The following LRCH4 variants were observed in gnomAD, a reference collection of about 807,000 sequenced individuals.
LRCH4 encodes the protein leucine rich repeats and calponin homology domain containing 4.
In LRCH4, 56 loss-of-function variants were observed where a neutral mutation model predicts 81.2. The observed-to-expected ratio is 0.69, with a 90% CI of 0.56 to 0.86. LRCH4 has a LOEUF of 0.86. Ranked by LOEUF, LRCH4 falls within the 40% of genes least tolerant of loss-of-function variation. LRCH4 has a pLI of 0.00. For synonymous variants in LRCH4, 442 were observed against 409.7 expected (o/e 1.08, Z -0.95); for missense variants, 895 against 922.8 (o/e 0.97, Z 0.39).
chr7:100,575,068 G>C lies in LRCH4; in HGVS notation c.*39C>G, dbSNP rs765863283. 3.8e-6 allele frequency: 6 copies of C among 1,563,540 alleles called. No individual in the cohort carries two copies. Among genetic ancestry groups the C allele is most frequent in the Middle Eastern group, 1.9e-4 (1 of 5,156 alleles). ...GTGGAGCAGGGACCTTATAAATAGA[G>C]AGGAAGGGAAAGGGGTGAGGGAGGG... On this transcript the variant is annotated 3_prime_UTR_variant, in exon 18 of 18. Transcript: ENST00000310300. The surrounding 1 kb of genome is among the most constrained non-coding windows in gnomAD (Gnocchi z 5.3).
chr7:100,576,414 C>T, intron 14 of LRCH4, 91 bp from the exon 15 acceptor site: 1 of 867,668 alleles, frequency 1.2e-6, no homozygotes, highest in Non-Finnish European at 1.9e-6. Context: ...ACACCTCCTG[C>T]CTCTCTGCTT....
intron 15 of LRCH4, 111 bp downstream of exon 15, chr7:100,576,127 G>T: frequency 1.4e-6 from 2 of 1,467,166 alleles, no homozygotes; most frequent in Non-Finnish European, 9.3e-7. Context: ...GTCCTCAGGG[G>T]AGGTGCCAGA....
Position 100,581,841 on chromosome 7 carries a change from C to T in LRCH4, c.534G>A (p.Leu178=). 6.2e-7 allele frequency: 1 copy of T among 1,614,210 alleles called. No homozygotes were observed. Among genetic ancestry groups the T allele is most frequent in the Non-Finnish European group, 8.5e-7 (1 of 1,180,034 alleles). ...GGTCCCGCAGGGAAGAGAGGCCACA[C>T]AGTTCCGAGGGCAGGGATTGGAGCT... The part of the protein sequence containing the change: ...SNELQSLPSE[L]CGLSSLRDLN... Residue 178 remains leucine, a synonymous_variant, in exon 4 of 18, where the codon CTG becomes CTA. Coordinates refer to ENST00000310300, the MANE Select transcript of LRCH4 (RefSeq NM_002319.5).
rs954213473 is a variant in LRCH4, at chr7:100,582,359, G to A, written c.321C>T (p.Asn107=). 2.5e-6 allele frequency: 4 copies of A among 1,614,168 alleles called. No individual in the cohort carries two copies. Among genetic ancestry groups the A allele is most frequent in the South Asian group, 2.2e-5 (2 of 91,092 alleles). Residue 107 remains asparagine (N), a synonymous_variant, in exon 2 of 18, where the codon AAC becomes AAT. Coordinates refer to ENST00000310300, the MANE Select transcript of LRCH4 (RefSeq NM_002319.5). This position sits in a 1 kb window ranked among gnomAD's most constrained non-coding sequence, Gnocchi z 5.0. The part of the protein sequence containing the change: ...SLYHNCLRCL[N]PALGNLTALT... ...GGGCTGTGAGATTCCCCAAGGCTGG[G>A]TTCAGGCATCTCAGGCAATTGTGGT...
In LRCH4 at chr7:100,575,641, C is replaced by G. The variant is rs1226821666; in HGVS notation, c.1854+64G>C. 6.4e-7 allele frequency: 1 copy of G among 1,574,362 alleles called. No homozygotes were observed. Among genetic ancestry groups the G allele is most frequent in the Non-Finnish European group, 8.7e-7 (1 of 1,143,932 alleles). Reference sequence around the variant, plus strand: ...ACATCCGCTGCAAATGGAAGCCCACCATCCATGCCACATGCTCGGCTGAGT... The same window carrying G: ...ACATCCGCTGCAAATGGAAGCCCACGATCCATGCCACATGCTCGGCTGAGT... On this transcript the variant is annotated intron_variant, in intron 17 of 17. Transcript: ENST00000310300. This position sits in a 1 kb window ranked among gnomAD's most constrained non-coding sequence, Gnocchi z 5.3.
rs552159529 is a variant in LRCH4 at position 100,574,699 on chromosome 7, C to T, written c.*408G>A. On this transcript the variant is annotated 3_prime_UTR_variant, in exon 18 of 18. Coordinates refer to ENST00000310300, the MANE Select transcript of LRCH4 (RefSeq NM_002319.5). ...TTTATACACAGAGATAGGGACCCGGCCTGGGCCCCGAACCCCTACAAATAT... is the reference window on the plus strand; with the variant it reads ...TTTATACACAGAGATAGGGACCCGGTCTGGGCCCCGAACCCCTACAAATAT... The T allele has an allele frequency of 4.6e-4, 86 of 185,120 alleles. No individual in the cohort carries two copies. Among genetic ancestry groups the T allele is most frequent in the Non-Finnish European group, 8.0e-4 (70 of 87,014 alleles). 11.5% of individuals were successfully genotyped at this position (185,120 alleles called of 1,614,324 possible). A position where few individuals can be genotyped will look rare whatever the true frequency, so the allele number is the denominator to read the frequency against.
At chr7:100,581,053 G>C (rs949045495) in intron 4 of LRCH4, among the ~76,000 whole-genome samples, 2 of 152,220 alleles carry the variant, frequency 1.3e-5, no homozygotes, top group Non-Finnish European at 2.9e-5. Flanking sequence ...TGGCATCTCC[G>C]GGAGGAGTGG....
chr7:100,582,636 C>A lies in LRCH4; in HGVS notation c.221-177G>T, dbSNP rs1017040210. 1.3e-5 allele frequency among the ~76,000 whole-genome samples: 2 copies of A among 152,200 alleles called. No homozygotes were observed. Among genetic ancestry groups the A allele is most frequent in the Non-Finnish European group, 2.9e-5 (2 of 68,030 alleles). On this transcript the variant is annotated intron_variant, in intron 1 of 17. Transcript: ENST00000310300. The surrounding 1 kb of genome is among the most constrained non-coding windows in gnomAD (Gnocchi z 5.0). ...TCTGCCAACGGGAGCACATTCCAGG[C>A]GTGACCAGAATGGCACAGGGAAGGC...
Position 100,575,559 on chromosome 7 carries a change from A to G in LRCH4, c.1854+146T>C. On this transcript the variant is annotated intron_variant, in intron 17 of 17. Transcript: ENST00000310300. This position sits in a 1 kb window ranked among gnomAD's most constrained non-coding sequence, Gnocchi z 5.3. ...GTGACATGCAGGGCAGGGGGCATGCAGGGCAGGGGGCATGCTGGGCAGGGC... is the reference window on the plus strand; with the variant it reads ...GTGACATGCAGGGCAGGGGGCATGCGGGGCAGGGGGCATGCTGGGCAGGGC... 9.8e-7 allele frequency: 1 copy of G among 1,015,948 alleles called. No individual in the cohort carries two copies. The highest frequency in any genetic ancestry group is 1.6e-6 in the Non-Finnish European group (1 of 641,910). 62.9% of individuals were successfully genotyped at this position (1,015,948 alleles called of 1,614,324 possible). A position where few individuals can be genotyped will look rare whatever the true frequency, so the allele number is the denominator to read the frequency against.
intron 15 of LRCH4, 50 bp downstream of exon 15, chr7:100,576,188 G>T: frequency 6.3e-7 from 1 of 1,580,398 alleles, no homozygotes. Flanking sequence ...AGCAACACAA[G>T]GAGGTGCCCG....
intron 14 of LRCH4, 179 bp from the exon 15 acceptor site, chr7:100,576,502 G>A (rs1355860146): frequency 3.9e-5 from 26 of 666,892 alleles, no homozygotes; most frequent in Non-Finnish European, 5.7e-5. Context: ...GGGCTCAAGC[G>A]ATCCTCCCAC....
In LRCH4 at chr7:100,586,013, C is replaced by A. The variant is rs1364573134; in HGVS notation, c.88G>T (p.Gly30Trp). The change falls in exon 1 of 18, where the codon GGG becomes TGG. Residue 30 changes from glycine to tryptophan, a missense_variant. By Grantham distance (184) the Gly-to-Trp change is radical. Transcript: ENST00000310300. ...AGGGCCCGCTCTGCACTGCGTCTCC[C>A]CGGCAGACCTGGAGACCCGGGCACG... ...TSVPGSPGLP[G>W]RRSAERALEE... 2 of 1,607,822 alleles carry A rather than the reference C, an allele frequency of 1.2e-6. No homozygotes were observed. Among genetic ancestry groups the A allele is most frequent in the Non-Finnish European group, 1.7e-6 (2 of 1,177,266 alleles).
chr7:100,577,674 CCT>C lies in LRCH4; in HGVS notation c.1104_1105del (p.Gly369HisfsTer63), dbSNP rs1425738564. The C allele has an allele frequency of 7.4e-6, 12 of 1,613,848 alleles. No homozygotes were observed. Among genetic ancestry groups the C allele is most frequent in the Non-Finnish European group, 1.0e-5 (12 of 1,179,992 alleles). ...TAGCTGGGCTCTCACCTCCACAGTG[CCT>C]CGCTCTTCATCCTCCCCGGGGACAT... On this transcript the variant is annotated frameshift_variant, in exon 9 of 18. Transcript: ENST00000310300. LOFTEE classifies it high-confidence loss of function. The surrounding 1 kb of genome is among the most constrained non-coding windows in gnomAD (Gnocchi z 6.7).
At chr7:100,584,108 TG>T (rs1801642589) in intron 1 of LRCH4, 2 of 455,928 alleles carry the variant, frequency 4.4e-6, no homozygotes, top group Admixed American at 4.7e-5. Flanking sequence ...CAGAAAGAGA[TG>T]GGAGACGGGA....
chr7:100,582,070 T>C lies in LRCH4; in HGVS notation c.463A>G (p.Ile155Val). 6.2e-7 allele frequency: 1 copy of C among 1,611,318 alleles called. No homozygotes were observed. Among genetic ancestry groups the C allele is most frequent in the East Asian group, 2.2e-5 (1 of 44,868 alleles). The change falls in exon 3 of 18, where the codon ATC becomes GTC. Residue 155 changes from isoleucine (I) to valine (V), a missense_variant. Ile to Val is a conservative substitution (Grantham distance 29). Transcript: ENST00000310300. This position sits in a 1 kb window ranked among gnomAD's most constrained non-coding sequence, Gnocchi z 5.0. ...TGTCGCAGGCTTCCCAGGGTGCCGA[T>C]GTCAGGGGGCAGGGCTCCCAGCTTG... Reference protein sequence around the residue: ...NNKLGALPPDIGTLGSLRQLD... With the variant: ...NNKLGALPPDVGTLGSLRQLD...
In LRCH4 at chr7:100,582,591, C is replaced by T. The variant is rs1030336295; in HGVS notation, c.221-132G>A. 1.1e-6 allele frequency: 1 copy of T among 903,176 alleles called. No homozygotes were observed. The highest frequency in any genetic ancestry group is 1.7e-6 in the Non-Finnish European group (1 of 598,424). 55.9% of individuals were successfully genotyped at this position (903,176 alleles called of 1,614,324 possible). ...ATTCAAGGCCATCAATGTGGCCTCC[C>T]AGGAGAGATAACAAAGCCTTCTGCC... On this transcript the variant is annotated intron_variant, in intron 1 of 17. Coordinates refer to ENST00000310300, the MANE Select transcript of LRCH4 (RefSeq NM_002319.5). The surrounding 1 kb of genome is among the most constrained non-coding windows in gnomAD (Gnocchi z 5.0).
chr7:100,582,425 C>T lies in LRCH4; in HGVS notation c.255G>A (p.Glu85=). The T allele has an allele frequency of 6.2e-7, 1 of 1,612,334 alleles. No homozygotes were observed. Among genetic ancestry groups the T allele is most frequent in the Admixed American group, 1.7e-5 (1 of 60,026 alleles). ...LSRNRFPEVP[E]AACQLVSLEG... ...CCAGGGACACCAGCTGGCACGCCGC[C>T]TCGGGCACCTCGGGAAACCGGTTCC... The change falls in exon 2 of 18, where the codon GAG becomes GAA. Residue 85 remains glutamate, a synonymous_variant. Transcript: ENST00000310300. The surrounding 1 kb of genome is among the most constrained non-coding windows in gnomAD (Gnocchi z 5.0).
intron 4 of LRCH4, 192 bp downstream of exon 4, chr7:100,581,585 C>T (rs1801560553): frequency 1.8e-6 from 1 of 559,610 alleles, no homozygotes; most frequent in South Asian, 2.2e-5. Context: ...CGGCAGTCTG[C>T]AGCCAGGAAA....
Position 100,575,244 on chromosome 7 carries a change from G to A in LRCH4, c.1915C>T (p.Leu639=). Reference sequence around the variant, plus strand: ...CCCCCCACCCGCTTCACGGCCTCCAGCGCGGTCCGCAGCCCCCGGGCAGTG... The same window carrying A: ...CCCCCCACCCGCTTCACGGCCTCCAACGCGGTCCGCAGCCCCCGGGCAGTG... ...QGTARGLRTA[L]EAVKRVGGKA... The change falls in exon 18 of 18, where the codon CTG becomes TTG. Residue 639 remains leucine (L), a synonymous_variant. Coordinates refer to ENST00000310300, the MANE Select transcript of LRCH4 (RefSeq NM_002319.5). This position sits in a 1 kb window ranked among gnomAD's most constrained non-coding sequence, Gnocchi z 5.3. The A allele has an allele frequency of 1.3e-6, 2 of 1,594,404 alleles. No homozygotes were observed. Among genetic ancestry groups the A allele is most frequent in the South Asian group, 1.1e-5 (1 of 89,168 alleles).
Sources: allele counts gnomAD v4.1 joint callset (sites outside exome capture counted in the v4.1 genomes callset), GRCh38; gene constraint gnomAD v4.1.1; non-coding constraint Gnocchi (gnomAD v3.1); transcripts MANE v1.5; gene names NCBI Gene and HGNC (gene_info 2026-07-23, HGNC 2026-07-21).